NUAK2: variants seen among roughly 807,000 people sequenced by gnomAD.
NUAK2 encodes NUAK family kinase 2.
A neutral mutation model predicts 29.8 loss-of-function variants in NUAK2; 20 were observed. That is an observed-to-expected ratio of 0.67 (90% CI 0.47 to 0.98). The LOEUF is 0.98. NUAK2 is among the 50% of genes least tolerant of loss of function. The probability of loss-of-function intolerance (pLI) is 0.00; values close to 1 mark genes in which losing one functional copy is unlikely to be tolerated. For synonymous variants in NUAK2, 331 were observed against 342.6 expected, an observed-to-expected ratio of 0.97 and a Z score of 0.37; for missense variants, 719 against 834.5, an observed-to-expected ratio of 0.86 and a Z score of 1.71.
chr1:205,314,691 A>G (rs1662302392), intron 1 of NUAK2, among the ~76,000 whole-genome samples: 1 of 152,246 alleles, frequency 6.6e-6, no homozygotes, highest in South Asian at 2.1e-4. Context: ...CTCTTCAGAG[A>G]TAAAGGTCCA....
intron 1 of NUAK2, among the ~76,000 whole-genome samples, chr1:205,313,972 G>T (rs1209009619): frequency 6.6e-6 from 1 of 152,226 alleles, no homozygotes; most frequent in Non-Finnish European, 1.5e-5. Context: ...GTCCCCTCAA[G>T]ATTCAAAGGG....
At position 205,302,590 on chromosome 1, in the gene NUAK2, G is replaced by A. The variant is rs1360645563; in HGVS notation, c.*860C>T. On this transcript the variant is annotated 3_prime_UTR_variant, in exon 7 of 7. Transcript: ENST00000367157. ...CAGAGATTGTGTTCTCTTACTCCTA[G>A]GCTAAATAAGGAAGGGTTAGGTGGG... 1 of 152,382 alleles carries A rather than the reference G, an allele frequency of 6.6e-6. No individual in the cohort carries two copies. The highest frequency in any genetic ancestry group is 3.4e-3 in the Middle Eastern group (1 of 296). The allele number at this position is 152,382 out of a possible 1,614,324, so 9.4% of individuals were successfully genotyped here.
chr1:205,317,479 G>A (rs1662345098), intron 1 of NUAK2, among the ~76,000 whole-genome samples: 1 of 152,186 alleles, frequency 6.6e-6, no homozygotes, highest in Non-Finnish European at 1.5e-5. Context: ...GTGGGCCTAG[G>A]GGTGGCTCGC....
chr1:205,318,153 T>C (rs1034918339), intron 1 of NUAK2, among the ~76,000 whole-genome samples: 4 of 152,216 alleles, frequency 2.6e-5, no homozygotes, highest in Non-Finnish European at 5.9e-5. Flanking sequence ...ACCTTGACTG[T>C]CAGCTAGGCA....
intron 1 of NUAK2, among the ~76,000 whole-genome samples, chr1:205,320,783 C>T (rs1662403893): frequency 6.6e-6 from 1 of 152,258 alleles, no homozygotes; most frequent in Middle Eastern, 3.4e-3. Context: ...GCCCCCAAAC[C>T]GAAAGGTGTC....
intron 2 of NUAK2, among the ~76,000 whole-genome samples, chr1:205,310,224 G>A (rs1027880447): frequency 6.6e-6 from 1 of 152,182 alleles, no homozygotes. Context: ...TATCTGTGGA[G>A]GCCCAGCCTC....
chr1:205,318,606 CGGCCCTAAT>C (rs1662361567), intron 1 of NUAK2, among the ~76,000 whole-genome samples: 1 of 152,226 alleles, frequency 6.6e-6, no homozygotes, highest in Admixed American at 6.5e-5. Context: ...CTTGGACTCA[CGGCCCTAAT>C]GGTTCCCCTT....
At chr1:205,309,608 G>A (rs1268263366) in intron 2 of NUAK2, among the ~76,000 whole-genome samples, 1 of 152,190 alleles carries the variant, frequency 6.6e-6, no homozygotes, top group Admixed American at 6.5e-5. Flanking sequence ...TTACAGGCGT[G>A]AGCCACCGCG....
At chr1:205,309,452 G>A (rs1442862373) in intron 2 of NUAK2, among the ~76,000 whole-genome samples, 3 of 152,056 alleles carry the variant, frequency 2.0e-5, no homozygotes, top group African/African-American at 7.2e-5. Flanking sequence ...TCACCCTCTC[G>A]AGTAGCAGGG....
rs887441489 is a variant in NUAK2, at chr1:205,302,082, T to G, written c.*1368A>C. 2 of 152,466 alleles carry G rather than the reference T, an allele frequency of 1.3e-5. No individual in the cohort carries two copies. The highest frequency in any genetic ancestry group is 2.4e-5 in the African/African-American group (1 of 41,446). The allele number at this position is 152,466 out of a possible 1,614,324, so 9.4% of individuals were successfully genotyped here. A position where few individuals can be genotyped will look rare whatever the true frequency, so the allele number is the denominator to read the frequency against. On this transcript the variant is annotated 3_prime_UTR_variant, in exon 7 of 7. Coordinates refer to ENST00000367157, the MANE Select transcript of NUAK2 (RefSeq NM_030952.3). Reference sequence around the variant, plus strand: ...GCCTGCTTCCAATCACCTTTCTGGTTTTAATGGTACTTTTTGGCCACGGAG... The same window carrying G: ...GCCTGCTTCCAATCACCTTTCTGGTGTTAATGGTACTTTTTGGCCACGGAG...
Position 205,308,631 on chromosome 1 carries a change from C to A in NUAK2, c.454G>T (p.Ala152Ser). Reference sequence around the variant, plus strand: ...ACGATCTGCCGGAAGAAATGCCTAGCTTCGCGCTCACTGAGCTGCTGCCGC... The same window carrying A: ...ACGATCTGCCGGAAGAAATGCCTAGATTCGCGCTCACTGAGCTGCTGCCGC... ...SERQQLSERE[A>S]RHFFRQIVSA... Residue 152 changes from alanine (A) to serine (S), a missense_variant, in exon 3 of 7, where the codon GCT becomes TCT. Around this residue, in one of 3 missense-constraint regions of NUAK2, gnomAD observed 283 missense variants for 345.6 expected, o/e 0.82. Transcript: ENST00000367157. The surrounding 1 kb of genome is among the most constrained non-coding windows in gnomAD (Gnocchi z 4.1). The A allele has an allele frequency of 6.2e-7, 1 of 1,614,106 alleles. No homozygotes were observed. The highest frequency in any genetic ancestry group is 1.1e-5 in the South Asian group (1 of 91,078).
chr1:205,318,372 A>G (rs767735912), intron 1 of NUAK2, among the ~76,000 whole-genome samples: 1 of 152,210 alleles, frequency 6.6e-6, no homozygotes, highest in Non-Finnish European at 1.5e-5. Context: ...TCTCAAGACC[A>G]ACTCCCAGTC....
In NUAK2 at chr1:205,308,223, A is replaced by G. The variant is rs764816684; in HGVS notation, c.512T>C (p.Val171Ala). Residue 171 changes from valine (V) to alanine (A), a missense_variant, in exon 4 of 7, where the codon GTT becomes GCT. Val to Ala is a moderately conservative substitution (Grantham distance 64). Around this residue, in one of 3 missense-constraint regions of NUAK2, gnomAD observed 283 missense variants for 345.6 expected, o/e 0.82. Transcript: ENST00000367157. This position sits in a 1 kb window ranked among gnomAD's most constrained non-coding sequence, Gnocchi z 4.1. ...CTCCAGCTTGAGATCTCGGTGGACA[A>G]CTCTGTTCTGAAAGAAGGAGAGGGC... ...SAVHYCHQNR[V>A]VHRDLKLENI... 1 of 1,598,564 alleles carries G rather than the reference A, an allele frequency of 6.3e-7. No individual in the cohort carries two copies.
intron 1 of NUAK2, among the ~76,000 whole-genome samples, chr1:205,318,982 C>T (rs887468393): frequency 3.3e-5 from 5 of 152,120 alleles, no homozygotes; most frequent in African/African-American, 1.2e-4. Flanking sequence ...AATCTAGCTC[C>T]CACCAACAAT....
At chr1:205,312,127 G>A (rs12067235) in intron 1 of NUAK2, among the ~76,000 whole-genome samples, 2 of 152,052 alleles carry the variant, frequency 1.3e-5, no homozygotes, top group Non-Finnish European at 2.9e-5. Context: ...AGGCTGATGC[G>A]TTATGAATTA....
rs779764589 is a variant in NUAK2 at position 205,303,727 on chromosome 1, C to T, written c.1610G>A (p.Ser537Asn). ...CTCGCTCACAGCCCCTGAGGGTCGG[C>T]TGGCCCGGGCCAGGGGGCGAGGTGG... is the stretch of plus-strand genomic sequence containing the variant. ...LAPPRPLARA[S>N]RPSGAVSEDS... Residue 537 changes from serine to asparagine, a missense_variant, in exon 7 of 7, where the codon AGC (serine) becomes AAC (asparagine). This residue lies in a region of NUAK2 where 430 missense variants were observed against 465.7 expected (regional missense o/e 0.92). Transcript: ENST00000367157. 18 of 1,537,464 alleles carry T rather than the reference C, an allele frequency of 1.2e-5. No homozygotes were observed. The highest frequency in any genetic ancestry group is 1.6e-5 in the Non-Finnish European group (18 of 1,143,950).
chr1:205,306,389 C>T (rs1662180757), intron 4 of NUAK2, 82 bp from the exon 5 acceptor site: 1 of 1,510,450 alleles, frequency 6.6e-7, no homozygotes, highest in Non-Finnish European at 8.9e-7. Flanking sequence ...CTTCTCCAGA[C>T]CCTGGGGAAA....
intron 1 of NUAK2, among the ~76,000 whole-genome samples, chr1:205,321,000 C>T (rs1662407468): frequency 6.6e-6 from 1 of 152,166 alleles, no homozygotes; most frequent in Non-Finnish European, 1.5e-5. Flanking sequence ...TACCAAATAC[C>T]TATTAAGATG....
chr1:205,316,512 C>T (rs1398644872), intron 1 of NUAK2, among the ~76,000 whole-genome samples: 3 of 152,190 alleles, frequency 2.0e-5, no homozygotes, highest in Non-Finnish European at 2.9e-5. Flanking sequence ...AAACTGCTTT[C>T]GATTTTGAAG....
Sources: gnomAD v4.1 joint callset for allele counts (sites outside exome capture counted in the v4.1 genomes callset) on GRCh38, gnomAD v4.1.1 for gene constraint, gnomAD v4.1.1 regional missense constraint, Gnocchi (gnomAD v3.1) non-coding constraint, MANE v1.5 for transcripts, NCBI Gene and HGNC (gene_info 2026-07-23, HGNC 2026-07-21) for gene names.